The following MYO5A variants were observed in gnomAD, a reference collection of about 807,000 sequenced individuals.
The protein encoded by MYO5A is unconventional myosin-Va.
MYO5A carries 98 observed loss-of-function variants against 249.7 expected under a neutral mutation model. The observed-to-expected ratio is 0.39, with a 90% CI of 0.33 to 0.46. MYO5A has a LOEUF of 0.46. MYO5A is among the 20% of genes least tolerant of loss of function. MYO5A has a pLI of 0.98. For synonymous variants in MYO5A, 778 were observed against 810.6 expected (o/e 0.96, Z 0.68); for missense variants, 1,696 against 2,308.8 (o/e 0.73, Z 5.44).
At chr15:52,324,073 C>T (rs562255296) in intron 36 of MYO5A, among the ~76,000 whole-genome samples, 1 of 144,202 alleles carries the variant, frequency 6.9e-6, no homozygotes, top group Non-Finnish European at 1.5e-5. Context: ...ATTCATGTCC[C>T]CCGTGGGGTT....
At chr15:52,419,400 C>G (rs556953947) in intron 4 of MYO5A, among the ~76,000 whole-genome samples, 3 of 152,290 alleles carry the variant, frequency 2.0e-5, no homozygotes, top group African/African-American at 7.2e-5. Context: ...AGACTTTAAT[C>G]TCTCTCTTGT....
At chr15:52,458,112 G>A (rs1195652070) in intron 1 of MYO5A, among the ~76,000 whole-genome samples, 1 of 152,210 alleles carries the variant, frequency 6.6e-6, no homozygotes, top group African/African-American at 2.4e-5. Flanking sequence ...GGGTGTATGT[G>A]GCAGTAGAGG....
rs1469561629 is a variant in MYO5A, at chr15:52,457,517, C to T, written c.28-24232G>A. Among the ~76,000 whole-genome samples the T allele has an allele frequency of 2.0e-5, 3 of 151,398 alleles. No homozygotes were observed. The East Asian group carries it at 5.8e-4, about 29-fold the overall frequency. ...AACAGGTATATGACAAAATGCTCAACACCACTAATCATCAGAAAATGCAAA... is the reference window on the plus strand; with the variant it reads ...AACAGGTATATGACAAAATGCTCAATACCACTAATCATCAGAAAATGCAAA... On this transcript the variant is annotated intron_variant, in intron 1 of 41. Coordinates refer to ENST00000399233, the MANE Select transcript of MYO5A (RefSeq NM_001382347.1).
Position 52,322,504 on chromosome 15 carries a change from G to C in MYO5A, c.4800+851C>G, listed in dbSNP as rs114172282. Among the ~76,000 whole-genome samples the C allele has an allele frequency of 2.0e-3, 304 of 152,316 alleles. 1 individual carries two copies. Among genetic ancestry groups the C allele is most frequent in the African/African-American group, 6.7e-3 (277 of 41,584 alleles). ...AACTTGGGTAAATCAATGAGCCCCA[G>C]TGAGCCTTGGCTTCCTCATCTGTAA... On this transcript the variant is annotated intron_variant, in intron 37 of 41. Coordinates refer to ENST00000399233, the MANE Select transcript of MYO5A (RefSeq NM_001382347.1).
At position 52,323,458 on chromosome 15, in the gene MYO5A, T is replaced by C. The variant is rs750554592; in HGVS notation, c.4711-14A>G. On this transcript the variant is annotated splice_polypyrimidine_tract_variant and intron_variant, in intron 36 of 41. Coordinates refer to ENST00000399233, the MANE Select transcript of MYO5A (RefSeq NM_001382347.1). ...ATCACCTCTTTTCTGAAAGAGAGAATAAGTCTAAACTTGCCTTTTCCTTAG... is the reference window on the plus strand; with the variant it reads ...ATCACCTCTTTTCTGAAAGAGAGAACAAGTCTAAACTTGCCTTTTCCTTAG... 3 of 1,604,774 alleles carry C rather than the reference T, an allele frequency of 1.9e-6. No homozygotes were observed. Among genetic ancestry groups the C allele is most frequent in the Non-Finnish European group, 2.6e-6 (3 of 1,171,868 alleles).
intron 30 of MYO5A, among the ~76,000 whole-genome samples, chr15:52,344,330 C>A (rs2039516197): frequency 6.6e-6 from 1 of 152,124 alleles, no homozygotes. Flanking sequence ...GTTTTCCTGG[C>A]TCCTTAAATC....
At chr15:52,468,648 T>A (rs1004441493) in intron 1 of MYO5A, among the ~76,000 whole-genome samples, 8 of 152,220 alleles carry the variant, frequency 5.3e-5, no homozygotes, top group Non-Finnish European at 1.2e-4. Context: ...CCAGCCTTGG[T>A]GACAGAGACA....
At chr15:52,418,782 G>A (rs1329049877) in intron 4 of MYO5A, among the ~76,000 whole-genome samples, 1 of 151,716 alleles carries the variant, frequency 6.6e-6, no homozygotes, top group Non-Finnish European at 1.5e-5. Flanking sequence ...CGGGGTGGGG[G>A]AGGGTGTCTG....
intron 1 of MYO5A, among the ~76,000 whole-genome samples, chr15:52,453,664 T>C (rs1434355671): frequency 2.6e-5 from 4 of 152,134 alleles, no homozygotes; most frequent in Non-Finnish European, 5.9e-5. Flanking sequence ...CTATATTAAA[T>C]ATGTAAATTG....
intron 1 of MYO5A, among the ~76,000 whole-genome samples, chr15:52,491,332 C>T (rs71397530): frequency 0.02 from 3,000 of 152,160 alleles, 43 homozygotes; most frequent in Non-Finnish European, 0.034. Context: ...GATTTCATTG[C>T]ATAGAAAATT....
At chr15:52,417,940 A>G (rs1030339296) in intron 4 of MYO5A, among the ~76,000 whole-genome samples, 1 of 152,228 alleles carries the variant, frequency 6.6e-6, no homozygotes, top group African/African-American at 2.4e-5. Context: ...AAGACAGGCC[A>G]ATAATTCAAG....
chr15:52,470,260 G>A (rs1193465270), intron 1 of MYO5A, among the ~76,000 whole-genome samples: 1 of 152,174 alleles, frequency 6.6e-6, no homozygotes, highest in African/African-American at 2.4e-5. Flanking sequence ...TAGACGTGCT[G>A]TGTTTGGGGG....
chr15:52,528,707 C>T lies in MYO5A; in HGVS notation c.27+73G>A, dbSNP rs1693513. 0.15 allele frequency: 220,057 copies of T among 1,456,498 alleles called. 17,682 individuals carry two copies. Among genetic ancestry groups the T allele is most frequent in the South Asian group, 0.17 (12,875 of 76,098 alleles). 90.2% of individuals were successfully genotyped at this position (1,456,498 alleles called of 1,614,324 possible). On this transcript the variant is annotated intron_variant, in intron 1 of 41. Coordinates refer to ENST00000399233, the MANE Select transcript of MYO5A (RefSeq NM_001382347.1). ...TCGCCTGGGCCCGGCGCTCCCGCCC[C>T]CTCCCCAGCCTGACAGCTGGCGGCG... is the stretch of plus-strand genomic sequence containing the variant.
At chr15:52,485,791 T>C (rs2076808066) in intron 1 of MYO5A, among the ~76,000 whole-genome samples, 3 of 152,320 alleles carry the variant, frequency 2.0e-5, no homozygotes, top group South Asian at 4.1e-4. Flanking sequence ...TTTAGCATGA[T>C]AGTAATATGC....
intron 2 of MYO5A, 86 bp downstream of exon 2, chr15:52,433,089 C>A: frequency 9.9e-7 from 1 of 1,010,162 alleles, no homozygotes; most frequent in Non-Finnish European, 1.6e-6. Context: ...ATTTAACTTC[C>A]ATTGGGAGTT....
At chr15:52,459,988 A>C (rs1163457249) in intron 1 of MYO5A, among the ~76,000 whole-genome samples, 1 of 126,680 alleles carries the variant, frequency 7.9e-6, no homozygotes, top group Non-Finnish European at 1.7e-5. Context: ...CGGGGCAGAG[A>C]CACTCCTCAG....
Position 52,375,305 on chromosome 15 carries a change from T to G in MYO5A, c.2576A>C (p.Lys859Thr). 1.2e-6 allele frequency: 2 copies of G among 1,614,122 alleles called. No individual in the cohort carries two copies. The highest frequency in any genetic ancestry group is 1.7e-6 in the Non-Finnish European group (2 of 1,179,958). The change falls in exon 20 of 42, where the codon AAG (lysine) becomes ACG (threonine). Residue 859 changes from lysine to threonine, a missense_variant and splice_region_variant. Transcript: ENST00000399233. ...ACAAAGTTGAAAATAATGCCTCACC[T>G]TGCGATACCTATTTCTGGCCAAGAA... Reference protein sequence around the residue: ...RGFLARNRYRKILREHKAVII... With the variant: ...RGFLARNRYRTILREHKAVII...
chr15:52,427,187 A>T (rs754600575), intron 3 of MYO5A, among the ~76,000 whole-genome samples: 4 of 152,128 alleles, frequency 2.6e-5, no homozygotes, highest in Non-Finnish European at 5.9e-5. Context: ...CTGTAGGTGT[A>T]TATTAACTTA....
At chr15:52,516,045 T>C (rs1038005194) in intron 1 of MYO5A, among the ~76,000 whole-genome samples, 1 of 152,236 alleles carries the variant, frequency 6.6e-6, no homozygotes, top group Non-Finnish European at 1.5e-5. Flanking sequence ...TCAGTCATCA[T>C]TAAAACCACA....
Sources: allele counts gnomAD v4.1 joint callset (sites outside exome capture counted in the v4.1 genomes callset), GRCh38; gene constraint gnomAD v4.1.1; transcripts MANE v1.5; gene names NCBI Gene and HGNC (gene_info 2026-07-23, HGNC 2026-07-21).